EPS15: variants seen among roughly 807,000 people sequenced by gnomAD.
EPS15 encodes the protein epidermal growth factor receptor substrate 15.
In EPS15, 72 loss-of-function variants were observed where a neutral mutation model predicts 113.8. The observed-to-expected ratio is 0.63, with a 90% CI of 0.52 to 0.77. The LOEUF is 0.77. EPS15 is among the 30% of genes least tolerant of loss of function. The probability of loss-of-function intolerance (pLI) is 0.00; values close to 1 mark genes in which losing one functional copy is unlikely to be tolerated. For synonymous variants in EPS15, 344 were observed against 363.4 expected (o/e 0.95, Z 0.61); for missense variants, 1,048 against 1,045.8 (o/e 1.00, Z -0.03).
chr1:51,421,868 C>T lies in EPS15; in HGVS notation c.1041-10G>A. On this transcript the variant is annotated splice_polypyrimidine_tract_variant and intron_variant, in intron 12 of 24. Coordinates refer to ENST00000371733, the MANE Select transcript of EPS15 (RefSeq NM_001981.3). ...CACATTATTCTTTTCCCTAGAAGAC[C>T]AGCAAACAATGCAAGAATATTTTAG... is the stretch of plus-strand genomic sequence containing the variant. 6.2e-7 allele frequency: 1 copy of T among 1,611,186 alleles called. No individual in the cohort carries two copies. The highest frequency in any genetic ancestry group is 8.5e-7 in the Non-Finnish European group (1 of 1,178,228).
chr1:51,388,287 A>C (rs763331985), intron 21 of EPS15, among the ~76,000 whole-genome samples: 25 of 152,254 alleles, frequency 1.6e-4, no homozygotes, highest in Non-Finnish European at 2.8e-4. Flanking sequence ...ACAAAGACAC[A>C]ACATACCAGA....
At chr1:51,487,108 C>T (rs1230428986) in intron 1 of EPS15, among the ~76,000 whole-genome samples, 1 of 152,064 alleles carries the variant, frequency 6.6e-6, no homozygotes, top group African/African-American at 2.4e-5. Flanking sequence ...GAAGCATCAA[C>T]TGTAGAAGTT....
intron 1 of EPS15, among the ~76,000 whole-genome samples, chr1:51,509,263 T>TTTTTTTTTTGAGACGGAGTCTC (rs1557538320): frequency 6.6e-6 from 1 of 152,156 alleles, no homozygotes; most frequent in African/African-American, 2.4e-5. Flanking sequence ...TTTTTATATA[T>TTTTTTTTTTGAGACGGAGTCTC]GCATAATGCT....
At chr1:51,397,081 T>G (rs1648023339) in intron 20 of EPS15, 1 of 152,178 alleles carries the variant, frequency 6.6e-6, no homozygotes, top group African/African-American at 2.4e-5. Context: ...TGTCTCACTT[T>G]GTTGCCCAGG....
At chr1:51,386,859 T>A (rs1426044646) in intron 21 of EPS15, among the ~76,000 whole-genome samples, 1 of 151,918 alleles carries the variant, frequency 6.6e-6, no homozygotes, top group African/African-American at 2.4e-5. Context: ...TACCTGAAAG[T>A]GACAGGGAGA....
chr1:51,462,042 C>T (rs1017311474), intron 7 of EPS15: 1 of 152,088 alleles, frequency 6.6e-6, no homozygotes, highest in African/African-American at 2.4e-5. Context: ...AGGATTTGAC[C>T]CTATGTAATC....
chr1:51,439,934 T>C (rs768761866), intron 12 of EPS15, among the ~76,000 whole-genome samples: 12 of 152,132 alleles, frequency 7.9e-5, no homozygotes, highest in Non-Finnish European at 1.3e-4. Context: ...ATGTATTAAA[T>C]GATAATGTTT....
At chr1:51,492,861 G>A (rs1644259149) in intron 1 of EPS15, among the ~76,000 whole-genome samples, 1 of 152,198 alleles carries the variant, frequency 6.6e-6, no homozygotes, top group Non-Finnish European at 1.5e-5. Context: ...TCAGGTTTTA[G>A]AAATGTGAAT....
intron 1 of EPS15, among the ~76,000 whole-genome samples, chr1:51,493,896 T>A (rs895342990): frequency 2.6e-5 from 4 of 152,086 alleles, no homozygotes; most frequent in South Asian, 2.1e-4. Flanking sequence ...ATTACAGGCA[T>A]GAGCCACGGT....
At chr1:51,357,723 T>A (rs74332753) in intron 24 of EPS15, among the ~76,000 whole-genome samples, 1 of 150,088 alleles carries the variant, frequency 6.7e-6, no homozygotes, top group African/African-American at 2.4e-5. Context: ...CTAAGCAAGA[T>A]GTGATTTAAA....
At position 51,366,031 on chromosome 1, in the gene EPS15, T is replaced by G; in HGVS notation, c.2120-2A>C. The G allele has an allele frequency of 6.2e-7, 1 of 1,602,230 alleles. No homozygotes were observed. Among genetic ancestry groups the G allele is most frequent in the Non-Finnish European group, 8.5e-7 (1 of 1,172,892 alleles). ...AAACAGAAGCAAAGGGGTCTGTGGC[T>G]AAAATGAATAAAGAAAATAAATGAA... is the stretch of plus-strand genomic sequence containing the variant. On this transcript the variant is annotated splice_acceptor_variant, in intron 21 of 24. Coordinates refer to ENST00000371733, the MANE Select transcript of EPS15 (RefSeq NM_001981.3). LOFTEE classifies it high-confidence loss of function.
At chr1:51,403,250 G>A (rs749859526) in intron 17 of EPS15, among the ~76,000 whole-genome samples, 169 bp downstream of exon 17, 3 of 152,152 alleles carry the variant, frequency 2.0e-5, no homozygotes, top group Non-Finnish European at 2.9e-5. Context: ...AGGGGCACAA[G>A]TGGAATTTTG....
intron 22 of EPS15, 37 bp downstream of exon 22, chr1:51,365,916 A>T (rs769591771): frequency 1.4e-6 from 2 of 1,383,372 alleles, no homozygotes; most frequent in Non-Finnish European, 2.0e-6. Context: ...GTGGAAACAC[A>T]GTATGTTTTC....
chr1:51,460,847 G>C (rs1425520541), intron 8 of EPS15: 1 of 342,566 alleles, frequency 2.9e-6, no homozygotes, highest in East Asian at 6.7e-5. Flanking sequence ...CCAGATACTT[G>C]GGAGGCTGAG....
intron 1 of EPS15, among the ~76,000 whole-genome samples, chr1:51,501,812 A>G (rs1164133377): frequency 6.6e-6 from 1 of 152,158 alleles, no homozygotes; most frequent in Admixed American, 6.5e-5. Flanking sequence ...TACATTTACC[A>G]TGCAAAAGGC....
chr1:51,518,363 T>G, intron 1 of EPS15: 1 of 152,422 alleles, frequency 6.6e-6, no homozygotes, highest in Non-Finnish European at 1.5e-5. Context: ...CCAAGAAAAG[T>G]GCTCCCCGGG....
chr1:51,449,089 G>A (rs1653314269), intron 8 of EPS15, among the ~76,000 whole-genome samples: 1 of 152,098 alleles, frequency 6.6e-6, no homozygotes, highest in African/African-American at 2.4e-5. Flanking sequence ...CTATTACTGG[G>A]TATATACCCA....
chr1:51,376,520 C>T (rs1232021220), intron 21 of EPS15, among the ~76,000 whole-genome samples: 1 of 152,004 alleles, frequency 6.6e-6, no homozygotes, highest in East Asian at 1.9e-4. Flanking sequence ...AAAAATCAGC[C>T]GTGTGTGGTG....
At chr1:51,452,805 A>G (rs2148489309) in intron 8 of EPS15, among the ~76,000 whole-genome samples, 1 of 152,326 alleles carries the variant, frequency 6.6e-6, no homozygotes, top group Middle Eastern at 3.4e-3. Context: ...ATAAAACTAA[A>G]CCTTAACCCA....
Sources: gnomAD v4.1 joint callset for allele counts (sites outside exome capture counted in the v4.1 genomes callset) on GRCh38, gnomAD v4.1.1 for gene constraint, MANE v1.5 for transcripts, NCBI Gene and HGNC (gene_info 2026-07-23, HGNC 2026-07-21) for gene names.